The following TFB1M variants were observed in gnomAD, a reference collection of about 807,000 sequenced individuals.
The protein encoded by TFB1M is dimethyladenosine transferase 1, mitochondrial.
TFB1M carries 27 observed loss-of-function variants against 31.1 expected under a neutral mutation model. That is an observed-to-expected ratio of 0.87 (90% confidence interval 0.64 to 1.20). TFB1M has a LOEUF of 1.20. TFB1M is among the 50% of genes most tolerant of loss of function. The probability of loss-of-function intolerance (pLI) is 0.00; values close to 1 mark genes in which losing one functional copy is unlikely to be tolerated. For missense variants in TFB1M, 394 were observed against 418.7 expected, an observed-to-expected ratio of 0.94 and a Z score of 0.51; for synonymous variants, 166 against 151.8, an observed-to-expected ratio of 1.09 and a Z score of -0.69.
At chr6:155,241,034 C>T in the TFB1M span, among the ~76,000 whole-genome samples, 1 of 152,188 alleles carries the variant, frequency 6.6e-6, no homozygotes, top group East Asian at 1.9e-4. Context: ...AGAGAGATCA[C>T]TTTAGGTGAT....
chr6:155,270,811 C>T (rs975391861), intron 5 of TFB1M, among the ~76,000 whole-genome samples: 4 of 152,112 alleles, frequency 2.6e-5, no homozygotes, highest in Non-Finnish European at 4.4e-5. Flanking sequence ...GAGGTGTCTT[C>T]GGATGCAGCA....
chr6:155,230,940 C>T, the TFB1M span, among the ~76,000 whole-genome samples: 8 of 151,208 alleles, frequency 5.3e-5, no homozygotes, highest in African/African-American at 1.2e-4. Context: ...TTCAAGCAGT[C>T]CTCCCAACTC....
downstream of TFB1M, chr6:155,253,263 C>T (rs182451872): frequency 4.0e-6 from 2 of 505,230 alleles, no homozygotes; most frequent in Non-Finnish European, 7.0e-6. Flanking sequence ...TTGCCAAATG[C>T]CTTTCATTGT....
the TFB1M span, among the ~76,000 whole-genome samples, chr6:155,236,292 G>T: frequency 2.6e-5 from 4 of 151,756 alleles, no homozygotes; most frequent in Non-Finnish European, 5.9e-5. Flanking sequence ...CAAGCAGAAC[G>T]CGAGCTGTAT....
chr6:155,244,932 C>A, the TFB1M span: 1 of 1,045,122 alleles, frequency 9.6e-7, no homozygotes, highest in Non-Finnish European at 1.3e-6. Context: ...CCGTTTTCCT[C>A]TGTCAGGTGG....
At chr6:155,242,876 C>T in the TFB1M span, among the ~76,000 whole-genome samples, 2 of 150,846 alleles carry the variant, frequency 1.3e-5, no homozygotes, top group Non-Finnish European at 2.9e-5. Flanking sequence ...GCTGGGACTA[C>T]AGGCACCCGC....
At position 155,258,047 on chromosome 6, in the gene TFB1M, G is replaced by C. The variant is rs759389264; in HGVS notation, c.830C>G (p.Thr277Arg). The change falls in exon 7 of 7, where the codon ACG becomes AGG. Residue 277 changes from threonine to arginine, a missense_variant. This residue lies in a region of TFB1M where 115 missense variants were observed against 144.1 expected (regional missense o/e 0.80). Coordinates refer to ENST00000367166, the MANE Select transcript of TFB1M (RefSeq NM_016020.4). Reference sequence around the variant, plus strand: ...GTCTGCCAACTCTAACAGCCTGCCCGTGCTTTCCAAGCGCTGCGCTTCAGG... The same window carrying C: ...GTCTGCCAACTCTAACAGCCTGCCCCTGCTTTCCAAGCGCTGCGCTTCAGG... ...LFPEAQRLES[T>R]GRLLELADID... 6.2e-7 allele frequency: 1 copy of C among 1,614,180 alleles called. No individual in the cohort carries two copies. Among genetic ancestry groups the C allele is most frequent in the South Asian group, 1.1e-5 (1 of 91,088 alleles).
intron 6 of TFB1M, 127 bp downstream of exon 6, chr6:155,260,146 C>T (rs376256567): frequency 1.8e-6 from 2 of 1,103,268 alleles, no homozygotes; most frequent in Non-Finnish European, 2.7e-6. Flanking sequence ...AAGTCTTGTC[C>T]GTCACAGGCC....
intron 5 of TFB1M, among the ~76,000 whole-genome samples, chr6:155,283,919 A>C (rs2114735850): frequency 6.6e-6 from 1 of 152,330 alleles, no homozygotes; most frequent in Admixed American, 6.5e-5. Context: ...AAATGTTTTA[A>C]ATTTGAAGAT....
chr6:155,287,827 CTG>C (rs1776735044), intron 4 of TFB1M, among the ~76,000 whole-genome samples: 1 of 152,130 alleles, frequency 6.6e-6, no homozygotes, highest in South Asian at 2.1e-4. Context: ...TCTTGCCTCT[CTG>C]TGTTCTTAAG....
chr6:155,241,462 C>A, the TFB1M span, among the ~76,000 whole-genome samples: 2 of 152,116 alleles, frequency 1.3e-5, no homozygotes, highest in African/African-American at 4.8e-5. Flanking sequence ...GGTGGATGGC[C>A]CCCTTCAACT....
At chr6:155,285,532 G>A (rs1776588920) in intron 4 of TFB1M, among the ~76,000 whole-genome samples, 1 of 152,166 alleles carries the variant, frequency 6.6e-6, no homozygotes, top group Non-Finnish European at 1.5e-5. Flanking sequence ...CTCTACCAAT[G>A]GCTGTTGGGA....
intron 2 of TFB1M, among the ~76,000 whole-genome samples, chr6:155,307,219 T>A (rs1777820317): frequency 6.6e-6 from 1 of 152,052 alleles, no homozygotes; most frequent in Admixed American, 6.6e-5. Flanking sequence ...TATGTGCAGT[T>A]TACTGAGCAT....
the TFB1M span, chr6:155,244,877 C>T: frequency 1.4e-6 from 2 of 1,402,786 alleles, no homozygotes; most frequent in Non-Finnish European, 1.9e-6. Flanking sequence ...AATTTCTTGT[C>T]CTGTGACTAT....
Position 155,257,344 on chromosome 6 carries a change from T to A in TFB1M, c.*492A>T. ...GAATCTGTAAATTACTTAGTTTATA[T>A]CCACTTTGAGCAGGTATCAAATGAT... On this transcript the variant is annotated 3_prime_UTR_variant, in exon 7 of 7. Coordinates refer to ENST00000367166, the MANE Select transcript of TFB1M (RefSeq NM_016020.4). 1 of 550,282 alleles carries A rather than the reference T, an allele frequency of 1.8e-6. No individual in the cohort carries two copies. Among genetic ancestry groups the A allele is most frequent in the Non-Finnish European group, 3.2e-6 (1 of 316,572 alleles). 34.1% of individuals were successfully genotyped at this position (550,282 alleles called of 1,614,324 possible). A position where few individuals can be genotyped will look rare whatever the true frequency, so the allele number is the denominator to read the frequency against.
intron 2 of TFB1M, among the ~76,000 whole-genome samples, chr6:155,308,618 A>C (rs903946085): frequency 6.6e-6 from 1 of 152,140 alleles, no homozygotes; most frequent in Non-Finnish European, 1.5e-5. Context: ...ATACTATACT[A>C]AACATACTAG....
At chr6:155,314,047 T>A (rs12527128) in intron 1 of TFB1M, 13 of 1,371,216 alleles carry the variant, frequency 9.5e-6, no homozygotes, top group Non-Finnish European at 1.0e-5. Flanking sequence ...CCTAGGGAGC[T>A]TGGCATTTAT....
chr6:155,249,670 G>A, the TFB1M span, among the ~76,000 whole-genome samples: 1 of 152,174 alleles, frequency 6.6e-6, no homozygotes, highest in Non-Finnish European at 1.5e-5. Flanking sequence ...TAATTTTGCT[G>A]TTCTTCATTC....
intron 2 of TFB1M, among the ~76,000 whole-genome samples, chr6:155,301,064 C>A (rs1205297921): frequency 6.6e-6 from 1 of 152,158 alleles, no homozygotes; most frequent in Non-Finnish European, 1.5e-5. Flanking sequence ...CTTGGCCTCC[C>A]AAAGTGCTGG....
Sources: gnomAD v4.1 joint callset for allele counts (sites outside exome capture counted in the v4.1 genomes callset) on GRCh38, gnomAD v4.1.1 for gene constraint, gnomAD v4.1.1 regional missense constraint, MANE v1.5 for transcripts, NCBI Gene and HGNC (gene_info 2026-07-23, HGNC 2026-07-21) for gene names.